Variants in ZNF197 observed in about 807,000 individuals in gnomAD.
ZNF197 encodes zinc finger protein 197, also known as VHL-associated KRAB-A domain-containing protein.
Under a neutral mutation model 27.4 loss-of-function variants are expected in ZNF197, and 14 were observed. The ratio of observed to expected loss-of-function variants is 0.51; its 90% CI spans 0.34 to 0.80. ZNF197 has a LOEUF of 0.80. Among genes scored for constraint, ZNF197 ranks in the 30% least tolerant of loss-of-function variants. The pLI is 0.02. For missense variants in ZNF197, 1,090 were observed against 1,222.6 expected (o/e 0.89, Z 1.62); for synonymous variants, 415 against 420.0 (o/e 0.99, Z 0.15).
At chr3:44,637,487 C>T (rs1412561397) in intron 5 of ZNF197, among the ~76,000 whole-genome samples, 1 of 152,014 alleles carries the variant, frequency 6.6e-6, no homozygotes, top group Non-Finnish European at 1.5e-5. Flanking sequence ...GTGATGAATT[C>T]CAGTTTTTTT....
At position 44,644,568 on chromosome 3, in the gene ZNF197, G is replaced by A. The variant is rs748330962; in HGVS notation, c.*348G>A. The A allele has an allele frequency of 1.3e-4, 125 of 945,320 alleles. No individual in the cohort carries two copies. The highest frequency in any genetic ancestry group is 2.4e-4 in the South Asian group (5 of 21,198). The allele number at this position is 945,320 out of a possible 1,614,324, so 58.6% of individuals were successfully genotyped here. A position where few individuals can be genotyped will look rare whatever the true frequency, so the allele number is the denominator to read the frequency against. ...CAGGAGAGTCGCTTGAACCTGGGAG[G>A]GCGGAGGTTGCAGTGAGCCAGGATC... On this transcript the variant is annotated 3_prime_UTR_variant, in exon 6 of 6. Coordinates refer to ENST00000344387, the MANE Select transcript of ZNF197 (RefSeq NM_006991.5).
chr3:44,641,241 C>A (rs1200757401), intron 5 of ZNF197, among the ~76,000 whole-genome samples: 2 of 152,028 alleles, frequency 1.3e-5, no homozygotes, highest in African/African-American at 2.4e-5. Context: ...TTCTGTATTT[C>A]TTCTCTTACC....
At position 44,625,160 on chromosome 3, in the gene ZNF197, CG is replaced by C. The variant is rs962953903; in HGVS notation, c.-82+22del. 1 of 147,966 alleles carries C rather than the reference CG, an allele frequency of 6.8e-6. No homozygotes were observed. Among genetic ancestry groups the C allele is most frequent in the Non-Finnish European group, 1.5e-5 (1 of 67,124 alleles). The allele number at this position is 147,966 out of a possible 1,614,324, so 9.2% of individuals were successfully genotyped here. A position where few individuals can be genotyped will look rare whatever the true frequency, so the allele number is the denominator to read the frequency against. ...GAGCCCCCGGTGAGCGGGGTGGGCT[CG>C]GGGGCGGGTGGGCGTGCAGGGAAGG... On this transcript the variant is annotated intron_variant, in intron 1 of 5. Coordinates refer to ENST00000344387, the MANE Select transcript of ZNF197 (RefSeq NM_006991.5).
chr3:44,630,872 A>T, intron 2 of ZNF197, 190 bp from the exon 3 acceptor site: 1 of 770,354 alleles, frequency 1.3e-6, no homozygotes, highest in African/African-American at 1.7e-5. Context: ...CACCAGTGCC[A>T]TGAGTGGGGC....
intron 5 of ZNF197, among the ~76,000 whole-genome samples, chr3:44,639,294 T>C (rs1247992253): frequency 6.6e-6 from 1 of 152,134 alleles, no homozygotes; most frequent in Non-Finnish European, 1.5e-5. Context: ...TTTTTTGTGA[T>C]GGTTATGTCT....
intron 5 of ZNF197, among the ~76,000 whole-genome samples, chr3:44,639,902 C>T (rs1406649075): frequency 1.3e-5 from 2 of 151,842 alleles, no homozygotes; most frequent in Non-Finnish European, 2.9e-5. Context: ...GTGAAGATAC[C>T]CCTTTGACTC....
intron 1 of ZNF197, among the ~76,000 whole-genome samples, 159 bp downstream of exon 1, chr3:44,625,302 G>T (rs1410926730): frequency 6.6e-6 from 1 of 152,208 alleles, no homozygotes; most frequent in Non-Finnish European, 1.5e-5. Flanking sequence ...CGACGTCGTG[G>T]CCTCGGCTGG....
Position 44,647,487 on chromosome 3 carries a change from A to C in ZNF197, c.*3267A>C, listed in dbSNP as rs1054586477. ...AGAAATGAAAACTTGCGTTCACACA[A>C]AAACCTGTATACGAATGTTCATAGC... is the stretch of plus-strand genomic sequence containing the variant. On this transcript the variant is annotated 3_prime_UTR_variant, in exon 6 of 6. Coordinates refer to ENST00000344387, the MANE Select transcript of ZNF197 (RefSeq NM_006991.5). 6.6e-5 allele frequency: 10 copies of C among 152,214 alleles called. No individual in the cohort carries two copies. The highest frequency in any genetic ancestry group is 2.2e-4 in the African/African-American group (9 of 41,462). 9.4% of individuals were successfully genotyped at this position (152,214 alleles called of 1,614,324 possible).
At position 44,643,063 on chromosome 3, in the gene ZNF197, A is replaced by C. The variant is rs751080735; in HGVS notation, c.1933A>C (p.Asn645His). Residue 645 changes from asparagine to histidine, a missense_variant, in exon 6 of 6, where the codon AAT (asparagine) becomes CAT (histidine). By Grantham distance (68) the Asn-to-His change is moderately conservative. Coordinates refer to ENST00000344387, the MANE Select transcript of ZNF197 (RefSeq NM_006991.5). Reference protein sequence around the residue: ...AYLFDHQRLHNGEKPYECNEC... With the variant: ...AYLFDHQRLHHGEKPYECNEC... ...CCTTTTTGACCACCAGAGACTCCAC[A>C]ATGGGGAGAAGCCCTATGAATGTAA... 13 of 1,614,044 alleles carry C rather than the reference A, an allele frequency of 8.1e-6. No homozygotes were observed. The South Asian group carries it at 1.3e-4, about 16-fold the overall frequency.
At chr3:44,630,956 T>A in intron 2 of ZNF197, 106 bp from the exon 3 acceptor site, 1 of 1,492,060 alleles carries the variant, frequency 6.7e-7, no homozygotes, top group Non-Finnish European at 9.3e-7. Flanking sequence ...GGTGGGTCTC[T>A]CTGATCTCAC....
chr3:44,626,858 C>G (rs1268391912), intron 1 of ZNF197, among the ~76,000 whole-genome samples: 1 of 152,162 alleles, frequency 6.6e-6, no homozygotes, highest in East Asian at 1.9e-4. Flanking sequence ...TACACACATC[C>G]AAACTGATGT....
At chr3:44,630,299 C>G (rs1210177105) in intron 2 of ZNF197, among the ~76,000 whole-genome samples, 1 of 152,106 alleles carries the variant, frequency 6.6e-6, no homozygotes, top group Admixed American at 6.5e-5. Flanking sequence ...CTTGTGTGCC[C>G]TACTAGGGAT....
At position 44,646,762 on chromosome 3, in the gene ZNF197, A is replaced by T. The variant is rs200075083; in HGVS notation, c.*2542A>T. The T allele has an allele frequency of 2.2e-6, 1 of 461,500 alleles. No homozygotes were observed. Among genetic ancestry groups the T allele is most frequent in the East Asian group, 3.5e-5 (1 of 28,192 alleles). The allele number at this position is 461,500 out of a possible 1,614,324, so 28.6% of individuals were successfully genotyped here. A position where few individuals can be genotyped will look rare whatever the true frequency, so the allele number is the denominator to read the frequency against. ...GCTTGTTTTTAAAAGATAATACTAG[A>T]GAGCCGTTAGGTACTAAGAACCAGA... On this transcript the variant is annotated 3_prime_UTR_variant, in exon 6 of 6. Transcript: ENST00000344387.
Position 44,643,161 on chromosome 3 carries a change from C to G in ZNF197, c.2031C>G (p.Leu677=). 6.2e-7 allele frequency: 1 copy of G among 1,612,268 alleles called. No homozygotes were observed. The highest frequency in any genetic ancestry group is 8.5e-7 in the Non-Finnish European group (1 of 1,179,576). ...LHQRFHTGEN[L]YECKDCGKVF... is the part of the protein sequence containing the mutation. ...AAAGGTTCCACACTGGAGAGAATCTCTATGAATGTAAAGATTGTGGTAAGG... is the reference window on the plus strand; with the variant it reads ...AAAGGTTCCACACTGGAGAGAATCTGTATGAATGTAAAGATTGTGGTAAGG... Residue 677 remains leucine (L), a synonymous_variant, in exon 6 of 6, where the codon CTC becomes CTG. Transcript: ENST00000344387.
rs567795946 is a variant in ZNF197, at chr3:44,646,767, C to T, written c.*2547C>T. On this transcript the variant is annotated 3_prime_UTR_variant, in exon 6 of 6. Coordinates refer to ENST00000344387, the MANE Select transcript of ZNF197 (RefSeq NM_006991.5). ...TTTTTAAAAGATAATACTAGAGAGC[C>T]GTTAGGTACTAAGAACCAGAAATAG... The T allele has an allele frequency of 5.5e-5, 24 of 433,158 alleles. No individual in the cohort carries two copies. The highest frequency in any genetic ancestry group is 9.1e-5 in the Non-Finnish European group (22 of 242,416). 26.8% of individuals were successfully genotyped at this position (433,158 alleles called of 1,614,324 possible).
Position 44,631,170 on chromosome 3 carries a change from C to T in ZNF197, c.499C>T (p.Pro167Ser). 6.2e-7 allele frequency: 1 copy of T among 1,614,166 alleles called. No individual in the cohort carries two copies. The highest frequency in any genetic ancestry group is 8.5e-7 in the Non-Finnish European group (1 of 1,180,046). ...PGSHIAAEIC[P>S]HPPTDLVAFN... is the part of the protein sequence containing the mutation. The stretch of plus-strand genomic sequence containing the variant: ...CAGCCACATAGCAGCTGAAATTTGC[C>T]CGCATCCTCCTACTGACCTAGTGGC... The change falls in exon 3 of 6, where the codon CCG becomes TCG. Residue 167 changes from proline (P) to serine (S), a missense_variant. Coordinates refer to ENST00000344387, the MANE Select transcript of ZNF197 (RefSeq NM_006991.5).
In ZNF197 at chr3:44,643,078, T is replaced by C. The variant is rs1331200679; in HGVS notation, c.1948T>C (p.Tyr650His). The C allele has an allele frequency of 2.5e-6, 4 of 1,614,096 alleles. No individual in the cohort carries two copies. Among genetic ancestry groups the C allele is most frequent in the East Asian group, 2.2e-5 (1 of 44,874 alleles). Residue 650 changes from tyrosine to histidine, a missense_variant, in exon 6 of 6, where the codon TAT becomes CAT. Transcript: ENST00000344387. ...HQRLHNGEKPYECNECGKVFI... is the reference protein window; with the variant it reads ...HQRLHNGEKPHECNECGKVFI... ...GAGACTCCACAATGGGGAGAAGCCC[T>C]ATGAATGTAATGAATGTGGGAAAGT... is the stretch of plus-strand genomic sequence containing the variant.
In ZNF197 at chr3:44,647,585, G is replaced by A. The variant is rs1703031072; in HGVS notation, c.*3365G>A. 6.6e-6 allele frequency: 1 copy of A among 152,030 alleles called. No individual in the cohort carries two copies. Among genetic ancestry groups the A allele is most frequent in the Admixed American group, 6.5e-5 (1 of 15,268 alleles). 9.4% of individuals were successfully genotyped at this position (152,030 alleles called of 1,614,324 possible). Reference sequence around the variant, plus strand: ...CCTTAGGTGGTTAAAACAAATTGTGGTTTATGTATTACCATGGAATACTTG... The same window carrying A: ...CCTTAGGTGGTTAAAACAAATTGTGATTTATGTATTACCATGGAATACTTG... On this transcript the variant is annotated 3_prime_UTR_variant, in exon 6 of 6. Transcript: ENST00000344387.
intron 2 of ZNF197, chr3:44,630,835 T>C (rs1485582098): frequency 1.8e-5 from 12 of 671,896 alleles, no homozygotes; most frequent in Middle Eastern, 2.4e-4. Flanking sequence ...GTTCCCACCG[T>C]TGTGTACAGT....
Sources: gnomAD v4.1 joint callset for allele counts (sites outside exome capture counted in the v4.1 genomes callset) on GRCh38, gnomAD v4.1.1 for gene constraint, MANE v1.5 for transcripts, NCBI Gene and HGNC (gene_info 2026-07-23, HGNC 2026-07-21) for gene names.